SF3B3: variants seen among roughly 807,000 people sequenced by gnomAD.
SF3B3 encodes splicing factor 3b subunit 3, also known as SAP 130.
Under a neutral mutation model 139.2 loss-of-function variants are expected in SF3B3, and 33 were observed. That is an observed-to-expected ratio of 0.24 (90% CI 0.18 to 0.32). The LOEUF (loss-of-function observed/expected upper bound fraction) is 0.32. Ranked by LOEUF, SF3B3 falls within the 10% of genes least tolerant of loss-of-function variation. SF3B3 has a pLI of 1.00. For synonymous variants in SF3B3, 596 were observed against 563.6 expected, an observed-to-expected ratio of 1.06 and a Z score of -0.81; for missense variants, 818 against 1,509.4, an observed-to-expected ratio of 0.54 and a Z score of 7.59.
rs769666584 is a variant in SF3B3 at position 70,570,008 on chromosome 16, A to C, written c.3267A>C (p.Ala1089=). The part of the protein sequence containing the change: ...RGLLNGASQK[A]EVIMNYHVGE... ...ACTAGTCTGTTTGTGACTCACAGGC[A>C]GAGGTGATCATGAACTACCATGTCG... The change falls in exon 24 of 26, where the codon GCA becomes GCC. Residue 1089 remains alanine, a splice_region_variant and synonymous_variant. Transcript: ENST00000302516. 3 of 1,614,060 alleles carry C rather than the reference A, an allele frequency of 1.9e-6. No individual in the cohort carries two copies. The East Asian group carries it at 6.7e-5, about 36-fold the overall frequency.
chr16:70,565,562 C>T (rs1306573694), intron 20 of SF3B3, 38 bp downstream of exon 20: 2 of 1,575,756 alleles, frequency 1.3e-6, no homozygotes, highest in East Asian at 2.2e-5. Context: ...ATTTTAAGTC[C>T]CATTGAATTC....
chr16:70,538,542 A>C (rs2050189370), intron 7 of SF3B3, 82 bp downstream of exon 7: 1 of 1,254,386 alleles, frequency 8.0e-7, no homozygotes. Context: ...AAGTTAAAAA[A>C]ATGAGAACTT....
chr16:70,539,296 C>G, intron 8 of SF3B3, 89 bp downstream of exon 8: 1 of 929,264 alleles, frequency 1.1e-6, no homozygotes, highest in Non-Finnish European at 1.8e-6. Context: ...GGCCATAATC[C>G]TAGCACTTTG....
intron 11 of SF3B3, among the ~76,000 whole-genome samples, chr16:70,549,692 G>A (rs1949797845): frequency 6.6e-6 from 1 of 152,148 alleles, no homozygotes; most frequent in South Asian, 2.1e-4. Flanking sequence ...TTGGGAGGCC[G>A]AGGTGGGCGG....
At chr16:70,550,487 G>A (rs10852464) in intron 11 of SF3B3, 65,640 of 166,130 alleles carry the variant, frequency 0.4, 13,516 homozygotes, top group South Asian at 0.65. Context: ...TATAAATACA[G>A]GTCGGGTTCT....
chr16:70,532,046 A>G (rs2050126193), intron 4 of SF3B3, among the ~76,000 whole-genome samples: 2 of 152,214 alleles, frequency 1.3e-5, no homozygotes. Flanking sequence ...CTGTAATCCA[A>G]GTTTGGGAGG....
At chr16:70,570,621 G>A (rs1402178213) in intron 24 of SF3B3, among the ~76,000 whole-genome samples, 4 of 152,144 alleles carry the variant, frequency 2.6e-5, no homozygotes, top group South Asian at 2.1e-4. Context: ...TGAGCCACCC[G>A]CGCCCGGCCA....
At chr16:70,529,294 G>T in intron 3 of SF3B3, 95 bp downstream of exon 3, 1 of 1,002,276 alleles carries the variant, frequency 1.0e-6, no homozygotes, top group Non-Finnish European at 1.5e-6. Context: ...TACTTATGTG[G>T]GTTTGGCATC....
Position 70,541,688 on chromosome 16 carries a change from C to G in SF3B3, c.1087C>G (p.His363Asp). 6.2e-7 allele frequency: 1 copy of G among 1,613,792 alleles called. No homozygotes were observed. The highest frequency in any genetic ancestry group is 8.5e-7 in the Non-Finnish European group (1 of 1,179,842). The change falls in exon 9 of 26, where the codon CAT becomes GAT. Residue 363 changes from histidine (H) to aspartate (D), a missense_variant. Physicochemically the swap from His to Asp is moderately conservative, Grantham distance 81. This residue lies in a region of SF3B3 where 80 missense variants were observed against 206.5 expected (regional missense o/e 0.39). Transcript: ENST00000302516. Reference protein sequence around the residue: ...FGNHYLYQIAHLGDDDEEPEF... With the variant: ...FGNHYLYQIADLGDDDEEPEF... ...TCCCAGTTACTTATATCAAATTGCA[C>G]ATCTTGGAGATGATGATGAAGAACC...
At chr16:70,537,247 T>C (rs1386517337) in intron 6 of SF3B3, among the ~76,000 whole-genome samples, 1 of 152,252 alleles carries the variant, frequency 6.6e-6, no homozygotes, top group African/African-American at 2.4e-5. Context: ...TGTGTGTACA[T>C]AATGTTGGTT....
Position 70,554,480 on chromosome 16 carries a change from G to C in SF3B3, c.1437G>C (p.Val479=). 6.2e-7 allele frequency: 1 copy of C among 1,614,150 alleles called. No individual in the cohort carries two copies. The highest frequency in any genetic ancestry group is 8.5e-7 in the Non-Finnish European group (1 of 1,180,002). The part of the protein sequence containing the change: ...EFDAYIIVSF[V]NATLVLSIGE... ...ATGCCTACATCATTGTGTCTTTCGT[G>C]AATGCCACCCTAGTGTTGTCCATTG... Residue 479 remains valine (V), a synonymous_variant, in exon 12 of 26, where the codon GTG becomes GTC. Coordinates refer to ENST00000302516, the MANE Select transcript of SF3B3 (RefSeq NM_012426.5).
intron 23 of SF3B3, among the ~76,000 whole-genome samples, chr16:70,569,669 G>A (rs190194852): frequency 2.0e-5 from 3 of 152,172 alleles, no homozygotes; most frequent in Non-Finnish European, 2.9e-5. Flanking sequence ...TCACTCAGTC[G>A]CCCGGGCTGG....
intron 16 of SF3B3, 149 bp downstream of exon 16, chr16:70,560,740 C>G: frequency 2.5e-6 from 2 of 791,172 alleles, no homozygotes; most frequent in Non-Finnish European, 3.9e-6. Flanking sequence ...GTTTTCCTAA[C>G]CTAGAGCTTC....
chr16:70,529,413 G>A (rs1256334098), intron 3 of SF3B3: 1 of 552,528 alleles, frequency 1.8e-6, no homozygotes, highest in Admixed American at 3.4e-5. Context: ...TTCCCATCTA[G>A]TTGGAAATGG....
chr16:70,571,433 C>T (rs888997997), intron 25 of SF3B3, among the ~76,000 whole-genome samples: 2 of 152,116 alleles, frequency 1.3e-5, no homozygotes, highest in Non-Finnish European at 2.9e-5. Flanking sequence ...AAAAGTTTTC[C>T]CGGTCTGGGC....
chr16:70,568,228 G>C, intron 21 of SF3B3, 55 bp from the exon 22 acceptor site: 1 of 1,360,012 alleles, frequency 7.4e-7, no homozygotes, highest in Non-Finnish European at 1.1e-6. Context: ...GGCTTTCTTT[G>C]GGTTCTGAAC....
intron 11 of SF3B3, among the ~76,000 whole-genome samples, chr16:70,552,332 A>T (rs2050335463): frequency 6.6e-6 from 1 of 152,242 alleles, no homozygotes; most frequent in African/African-American, 2.4e-5. Context: ...TATAATATTA[A>T]AATTAAACAA....
In SF3B3 at chr16:70,547,348, C is replaced by G. The variant is rs543396886; in HGVS notation, c.1330-1022C>G. On this transcript the variant is annotated intron_variant, in intron 10 of 25. Coordinates refer to ENST00000302516, the MANE Select transcript of SF3B3 (RefSeq NM_012426.5). ...TGTCTCTAGATCATTTAAAAACATT[C>G]AATAATTTTAATTTTATAATGATTT... 2.6e-5 allele frequency among the ~76,000 whole-genome samples: 4 copies of G among 152,220 alleles called. No homozygotes were observed. In the South Asian group the frequency reaches 8.3e-4, roughly 32 times the overall value.
At chr16:70,543,376 C>T (rs1345007582) in intron 9 of SF3B3, among the ~76,000 whole-genome samples, 3 of 149,406 alleles carry the variant, frequency 2.0e-5, no homozygotes, top group East Asian at 4.0e-4. Context: ...CACCATTGTA[C>T]TCCAGCCTGG....
Sources: gnomAD v4.1 joint callset for allele counts (sites outside exome capture counted in the v4.1 genomes callset) on GRCh38, gnomAD v4.1.1 for gene constraint, gnomAD v4.1.1 regional missense constraint, MANE v1.5 for transcripts, NCBI Gene and HGNC (gene_info 2026-07-23, HGNC 2026-07-21) for gene names.